SLC24A2: variants seen among roughly 807,000 people sequenced by gnomAD.
SLC24A2 encodes the protein sodium/potassium/calcium exchanger 2.
Under a neutral mutation model 62.0 loss-of-function variants are expected in SLC24A2, and 36 were observed. The ratio of observed to expected loss-of-function variants is 0.58; its 90% CI spans 0.44 to 0.77. The LOEUF (loss-of-function observed/expected upper bound fraction) is 0.77. Among genes scored for constraint, SLC24A2 ranks in the 30% least tolerant of loss-of-function variants. The probability of loss-of-function intolerance (pLI) is 0.00; values close to 1 mark genes in which losing one functional copy is unlikely to be tolerated. For missense variants in SLC24A2, 846 were observed against 817.9 expected (o/e 1.03, Z -0.42); for synonymous variants, 358 against 294.0 (o/e 1.22, Z -2.23).
At chr9:20,174,824 A>G in the SLC24A2 span, among the ~76,000 whole-genome samples, 4 of 152,124 alleles carry the variant, frequency 2.6e-5, no homozygotes, top group Admixed American at 6.6e-5. Flanking sequence ...TAGAACTACT[A>G]TTTGGTCCAG....
chr9:19,606,654 A>ACACG (rs1491005196), intron 4 of SLC24A2, among the ~76,000 whole-genome samples: 2 of 151,706 alleles, frequency 1.3e-5, no homozygotes, highest in East Asian at 3.9e-4. Flanking sequence ...ACACACACAC[A>ACACG]CACGCACACA....
intron 2 of SLC24A2, among the ~76,000 whole-genome samples, chr9:19,657,574 G>A (rs1818977482): frequency 1.3e-5 from 2 of 151,698 alleles, no homozygotes; most frequent in Non-Finnish European, 2.9e-5. Context: ...TCTTTGAACA[G>A]TTATACTTGT....
At chr9:19,811,923 A>G in the SLC24A2 span, among the ~76,000 whole-genome samples, 2 of 152,064 alleles carry the variant, frequency 1.3e-5, no homozygotes, top group Admixed American at 1.3e-4. Context: ...TTTCGGGCTG[A>G]AAAACTTTCT....
chr9:19,919,758 G>C, the SLC24A2 span, among the ~76,000 whole-genome samples: 1 of 152,140 alleles, frequency 6.6e-6, no homozygotes, highest in Non-Finnish European at 1.5e-5. Context: ...GATGGCAGCA[G>C]GGAGAAGTGC....
chr9:20,093,965 A>G, the SLC24A2 span, among the ~76,000 whole-genome samples: 1 of 152,182 alleles, frequency 6.6e-6, no homozygotes, highest in Admixed American at 6.5e-5. Flanking sequence ...TTGAAATTAA[A>G]ATAAATTAAA....
At chr9:19,608,793 T>TACAC (rs111384476) in intron 4 of SLC24A2, among the ~76,000 whole-genome samples, 3,984 of 145,962 alleles carry the variant, frequency 0.027, 172 homozygotes, top group African/African-American at 0.094. Context: ...CACACACACA[T>TACAC]ACACACACAC....
intron 2 of SLC24A2, among the ~76,000 whole-genome samples, chr9:19,647,132 G>A (rs898177526): frequency 1.6e-4 from 24 of 150,118 alleles, no homozygotes; most frequent in Non-Finnish European, 1.5e-4. Flanking sequence ...TACTGTAGGA[G>A]GGTTCATAGC....
chr9:20,078,800 G>T, the SLC24A2 span, among the ~76,000 whole-genome samples: 1 of 152,102 alleles, frequency 6.6e-6, no homozygotes, highest in Admixed American at 6.6e-5. Flanking sequence ...TCATCAAAAA[G>T]CATTCCCTAT....
At chr9:19,659,966 G>C (rs1158699087) in intron 2 of SLC24A2, among the ~76,000 whole-genome samples, 1 of 152,160 alleles carries the variant, frequency 6.6e-6, no homozygotes, top group Non-Finnish European at 1.5e-5. Flanking sequence ...AGGTGAACAG[G>C]GAGAGACTTA....
the SLC24A2 span, among the ~76,000 whole-genome samples, chr9:20,110,235 A>G: frequency 1.3e-5 from 2 of 150,442 alleles, no homozygotes; most frequent in South Asian, 4.2e-4. Context: ...TCACCATATT[A>G]TAGAATTTTT....
the SLC24A2 span, among the ~76,000 whole-genome samples, chr9:20,056,472 T>C: frequency 6.6e-6 from 1 of 152,180 alleles, no homozygotes; most frequent in East Asian, 1.9e-4. Flanking sequence ...GACCAACAAA[T>C]GTTTGGATTA....
the SLC24A2 span, among the ~76,000 whole-genome samples, chr9:19,982,228 G>A: frequency 6.6e-6 from 1 of 152,162 alleles, no homozygotes; most frequent in Non-Finnish European, 1.5e-5. Flanking sequence ...GCCCAAAAGA[G>A]CTTGATTCAT....
At chr9:19,667,207 T>C (rs1819280323) in intron 2 of SLC24A2, among the ~76,000 whole-genome samples, 1 of 152,180 alleles carries the variant, frequency 6.6e-6, no homozygotes, top group African/African-American at 2.4e-5. Context: ...GACAGAGAGC[T>C]TGCCAAAGCC....
chr9:19,769,190 C>T (rs926142953), intron 2 of SLC24A2, among the ~76,000 whole-genome samples: 1 of 152,212 alleles, frequency 6.6e-6, no homozygotes, highest in Non-Finnish European at 1.5e-5. Flanking sequence ...TCTAGTTACA[C>T]AGGACAAAAA....
the SLC24A2 span, among the ~76,000 whole-genome samples, chr9:20,134,173 G>T: frequency 6.6e-6 from 1 of 152,148 alleles, no homozygotes; most frequent in Admixed American, 6.5e-5. Context: ...AATTGGCAAA[G>T]CTTGGTGAGG....
At chr9:20,092,992 C>T in the SLC24A2 span, among the ~76,000 whole-genome samples, 19,171 of 152,010 alleles carry the variant, frequency 0.13, 1,685 homozygotes, top group Admixed American at 0.31. Context: ...ACTGTCTTAG[C>T]TCTGTTTAAT....
the SLC24A2 span, among the ~76,000 whole-genome samples, chr9:20,027,284 C>G: frequency 6.6e-6 from 1 of 152,102 alleles, no homozygotes; most frequent in African/African-American, 2.4e-5. Context: ...TATGATCCAG[C>G]AATCCCACTA....
At chr9:19,939,699 C>T in the SLC24A2 span, among the ~76,000 whole-genome samples, 1 of 152,300 alleles carries the variant, frequency 6.6e-6, no homozygotes, top group South Asian at 2.1e-4. Flanking sequence ...GCTATACTAT[C>T]ACTAGGGGAT....
the SLC24A2 span, among the ~76,000 whole-genome samples, chr9:20,251,620 C>G: frequency 6.6e-6 from 1 of 152,268 alleles, no homozygotes; most frequent in East Asian, 1.9e-4. Context: ...ACGTAATAAA[C>G]TGGTCAAGTT....
Sources: allele counts gnomAD v4.1 joint callset (sites outside exome capture counted in the v4.1 genomes callset), GRCh38; gene constraint gnomAD v4.1.1; transcripts MANE v1.5; gene names NCBI Gene and HGNC (gene_info 2026-07-23, HGNC 2026-07-21).